Variants in ZSWIM4 observed in about 807,000 individuals in gnomAD.
The protein encoded by ZSWIM4 is zinc finger SWIM domain-containing protein 4.
A neutral mutation model predicts 102.5 loss-of-function variants in ZSWIM4; 62 were observed. That is an observed-to-expected ratio of 0.60 (90% CI 0.49 to 0.75). ZSWIM4 has a LOEUF of 0.75. Ranked by LOEUF, ZSWIM4 falls within the 30% of genes least tolerant of loss-of-function variation. The probability of loss-of-function intolerance (pLI) is 0.00; values close to 1 mark genes in which losing one functional copy is unlikely to be tolerated. For missense variants in ZSWIM4, 1,280 were observed against 1,529.6 expected, an observed-to-expected ratio of 0.84 and a Z score of 2.72; for synonymous variants, 652 against 674.5, an observed-to-expected ratio of 0.97 and a Z score of 0.52.
chr19:13,797,956 C>T (rs1490403090), intron 1 of ZSWIM4, among the ~76,000 whole-genome samples: 2 of 152,164 alleles, frequency 1.3e-5, no homozygotes, highest in Admixed American at 6.6e-5. Context: ...CGCACCCGGA[C>T]GTATCTTATA....
At chr19:13,804,648 A>C (rs1450091829) in intron 2 of ZSWIM4, 144 bp from the exon 3 acceptor site, 1 of 511,668 alleles carries the variant, frequency 2.0e-6, no homozygotes, top group African/African-American at 2.0e-5. Flanking sequence ...TTTTGTTTCA[A>C]AAAAAAAAAA....
intron 2 of ZSWIM4, among the ~76,000 whole-genome samples, chr19:13,802,241 G>T (rs1974792020): frequency 6.6e-6 from 1 of 151,066 alleles, no homozygotes. Flanking sequence ...CTCCTACAGT[G>T]CTGGGATTAC....
intron 11 of ZSWIM4, 58 bp downstream of exon 11, chr19:13,823,558 C>T: frequency 6.5e-7 from 1 of 1,529,692 alleles, no homozygotes; most frequent in Middle Eastern, 1.7e-4. Context: ...CTCCTTCTTC[C>T]TTCCCTCTTA....
At chr19:13,815,503 G>T (rs540127331) in intron 7 of ZSWIM4, among the ~76,000 whole-genome samples, 26 of 111,686 alleles carry the variant, frequency 2.3e-4, no homozygotes, top group African/African-American at 9.6e-4. Context: ...TGGAGTCTCG[G>T]TCTTTCGCCC....
intron 5 of ZSWIM4, among the ~76,000 whole-genome samples, 172 bp from the exon 6 acceptor site, chr19:13,812,825 G>C (rs1975142918): frequency 6.6e-6 from 1 of 152,036 alleles, no homozygotes; most frequent in Non-Finnish European, 1.5e-5. Flanking sequence ...GCCGTGTTAT[G>C]TCTCTGTGCC....
At chr19:13,802,595 G>A (rs1313665808) in intron 2 of ZSWIM4, among the ~76,000 whole-genome samples, 19 of 147,368 alleles carry the variant, frequency 1.3e-4, no homozygotes, top group African/African-American at 4.8e-4. Context: ...AAAAAAAAAA[G>A]GGAGATAGGG....
At chr19:13,798,706 A>G (rs925938549) in intron 1 of ZSWIM4, among the ~76,000 whole-genome samples, 1 of 152,222 alleles carries the variant, frequency 6.6e-6, no homozygotes, top group East Asian at 1.9e-4. Context: ...ACCTGAGAAT[A>G]CTGAGGCCAA....
In ZSWIM4 at chr19:13,810,144, G is replaced by A. The variant is rs149313693; in HGVS notation, c.1012+924G>A. 6.7e-3 allele frequency among the ~76,000 whole-genome samples: 1,015 copies of A among 151,482 alleles called. 11 individuals carry two copies. The highest frequency in any genetic ancestry group is 0.023 in the African/African-American group (966 of 41,220). ...CTAGTAGCTGGGACTACAGGCACCC[G>A]CCACTAAGTCCGGCTAATTTTTTGT... On this transcript the variant is annotated intron_variant, in intron 5 of 13. Transcript: ENST00000590508.
intron 7 of ZSWIM4, among the ~76,000 whole-genome samples, chr19:13,815,968 G>C (rs1196168948): frequency 2.0e-5 from 3 of 148,746 alleles, no homozygotes; most frequent in Admixed American, 1.3e-4. Flanking sequence ...AAAAAAGAGA[G>C]AGAGAGGAGA....
At position 13,825,669 on chromosome 19, in the gene ZSWIM4, C is replaced by T; in HGVS notation, c.2335C>T (p.Pro779Ser). The T allele has an allele frequency of 6.2e-7, 1 of 1,613,060 alleles. No homozygotes were observed. The highest frequency in any genetic ancestry group is 8.5e-7 in the Non-Finnish European group (1 of 1,180,006). ...GACAGCCACCCCGGTCAGCGCCCCACCAGACACCACGCTGCTGGGCATCGC... is the reference window on the plus strand; with the variant it reads ...GACAGCCACCCCGGTCAGCGCCCCATCAGACACCACGCTGCTGGGCATCGC... ...CKTATPVSAPPDTTLLGIALE... is the reference protein window; with the variant it reads ...CKTATPVSAPSDTTLLGIALE... The change falls in exon 12 of 14, where the codon CCA becomes TCA. Residue 779 changes from proline to serine, a missense_variant. Coordinates refer to ENST00000590508, the MANE Select transcript of ZSWIM4 (RefSeq NM_001367834.3). This position sits in a 1 kb window ranked among gnomAD's most constrained non-coding sequence, Gnocchi z 4.6.
chr19:13,819,029 A>AT (rs972391486), intron 9 of ZSWIM4, among the ~76,000 whole-genome samples: 10 of 149,662 alleles, frequency 6.7e-5, no homozygotes, highest in South Asian at 4.2e-4. Context: ...CACCTGGCTA[A>AT]TTTTTTTTGT....
chr19:13,831,417 T>C lies in ZSWIM4; in HGVS notation c.*367T>C. 5.2e-6 allele frequency: 1 copy of C among 191,644 alleles called. No homozygotes were observed. Among genetic ancestry groups the C allele is most frequent in the Non-Finnish European group, 1.1e-5 (1 of 94,022 alleles). The allele number at this position is 191,644 out of a possible 1,614,324, so 11.9% of individuals were successfully genotyped here. A position where few individuals can be genotyped will look rare whatever the true frequency, so the allele number is the denominator to read the frequency against. On this transcript the variant is annotated 3_prime_UTR_variant, in exon 14 of 14. Coordinates refer to ENST00000590508, the MANE Select transcript of ZSWIM4 (RefSeq NM_001367834.3). ...ACTTTCCAGAAATCGACCCTCTAAGTCAATGTAGCACATTTTCCCCCAACC... is the reference window on the plus strand; with the variant it reads ...ACTTTCCAGAAATCGACCCTCTAAGCCAATGTAGCACATTTTCCCCCAACC...
chr19:13,806,768 C>T (rs1385554406), intron 3 of ZSWIM4, among the ~76,000 whole-genome samples: 2 of 151,534 alleles, frequency 1.3e-5, no homozygotes, highest in East Asian at 3.9e-4. Flanking sequence ...TTAAGGTAGA[C>T]TGACAGTGGT....
chr19:13,814,128 C>G (rs1011397378), intron 6 of ZSWIM4, among the ~76,000 whole-genome samples: 2 of 149,090 alleles, frequency 1.3e-5, no homozygotes, highest in East Asian at 4.1e-4. Context: ...GCAACCTTGG[C>G]TCACTGCAAC....
At chr19:13,828,436 A>C (rs1171316506) in intron 12 of ZSWIM4, among the ~76,000 whole-genome samples, 3 of 152,044 alleles carry the variant, frequency 2.0e-5, no homozygotes, top group African/African-American at 7.2e-5. Context: ...ACAACAACAA[A>C]AAAGAAAAAA....
Position 13,830,801 on chromosome 19 carries a change from C to T in ZSWIM4, c.3072C>T (p.Ala1024=), listed in dbSNP as rs762800306. The T allele has an allele frequency of 1.1e-5, 18 of 1,604,508 alleles. No homozygotes were observed. The highest frequency in any genetic ancestry group is 1.7e-4 in the Middle Eastern group (1 of 6,038). The change falls in exon 14 of 14, where the codon GCC becomes GCT. Residue 1024 remains alanine, a synonymous_variant. Coordinates refer to ENST00000590508, the MANE Select transcript of ZSWIM4 (RefSeq NM_001367834.3). ...GARRAAKPLG[A]DRAPLCQLLD... ...GCCGGGCCGCCAAGCCACTGGGTGC[C>T]GACCGGGCGCCGCTCTGCCAGCTCC...
chr19:13,825,692 C>G lies in ZSWIM4; in HGVS notation c.2358C>G (p.Ile786Met), dbSNP rs148770836. 1.1e-4 allele frequency: 183 copies of G among 1,610,734 alleles called. No individual in the cohort carries two copies. The highest frequency in any genetic ancestry group is 1.5e-4 in the Non-Finnish European group (179 of 1,179,838). Residue 786 changes from isoleucine to methionine, a missense_variant, in exon 12 of 14, where the codon ATC becomes ATG. Coordinates refer to ENST00000590508, the MANE Select transcript of ZSWIM4 (RefSeq NM_001367834.3). The surrounding 1 kb of genome is among the most constrained non-coding windows in gnomAD (Gnocchi z 4.6). ...CACCAGACACCACGCTGCTGGGCATCGCACTGGAGCTGGGGCTGCAGGTGA... is the reference window on the plus strand; with the variant it reads ...CACCAGACACCACGCTGCTGGGCATGGCACTGGAGCTGGGGCTGCAGGTGA... ...SAPPDTTLLG[I>M]ALELGLQVMR...
chr19:13,828,377 C>G (rs1442443635), intron 12 of ZSWIM4, among the ~76,000 whole-genome samples: 1 of 151,618 alleles, frequency 6.6e-6, no homozygotes, highest in Non-Finnish European at 1.5e-5. Flanking sequence ...CACTGCATGC[C>G]ATTCTGGGTG....
rs1167159974 is a variant in ZSWIM4 at position 13,830,692 on chromosome 19, G to A, written c.2963G>A (p.Arg988His). 1.9e-6 allele frequency: 3 copies of A among 1,606,240 alleles called. No homozygotes were observed. Among genetic ancestry groups the A allele is most frequent in the East Asian group, 2.2e-5 (1 of 44,834 alleles). ...TCTGCCATCGTCCCCCTCATCATTC[G>A]CAGCATCCACTGTGCCCCAATGCTG... ...ELSAIVPLII[R>H]SIHCAPMLSD... Residue 988 changes from arginine to histidine, a missense_variant, in exon 14 of 14, where the codon CGC becomes CAC. Coordinates refer to ENST00000590508, the MANE Select transcript of ZSWIM4 (RefSeq NM_001367834.3).
Sources: gnomAD v4.1 joint callset for allele counts (sites outside exome capture counted in the v4.1 genomes callset) on GRCh38, gnomAD v4.1.1 for gene constraint, Gnocchi (gnomAD v3.1) non-coding constraint, MANE v1.5 for transcripts, NCBI Gene and HGNC (gene_info 2026-07-23, HGNC 2026-07-21) for gene names.